Variants in TNIK observed in about 807,000 individuals in gnomAD.
TNIK encodes TRAF2 and NCK interacting kinase, also known as TRAF2 and NCK-interacting protein kinase.
A neutral mutation model predicts 191.3 loss-of-function variants in TNIK; 49 were observed. That is an observed-to-expected ratio of 0.26 (90% CI 0.20 to 0.32). The LOEUF (loss-of-function observed/expected upper bound fraction) is 0.32. Among genes scored for constraint, TNIK ranks in the 10% least tolerant of loss-of-function variants. The pLI is 1.00. For missense variants in TNIK, 1,155 were observed against 1,702.3 expected (o/e 0.68, Z 5.66); for synonymous variants, 594 against 600.9 (o/e 0.99, Z 0.17).
chr3:171,430,647 C>CAAAA (rs34307433), intron 1 of TNIK, among the ~76,000 whole-genome samples: 1 of 113,968 alleles, frequency 8.8e-6, no homozygotes. Context: ...AAAAAACAGA[C>CAAAA]AAAAAAAAAA....
Position 171,124,472 on chromosome 3 carries a change from T to C in TNIK, c.2014-770A>G, listed in dbSNP as rs185669590. Among the ~76,000 whole-genome samples the C allele has an allele frequency of 1.1e-4, 17 of 152,318 alleles. No homozygotes were observed. In the East Asian group the frequency reaches 1.7e-3, roughly 16 times the overall value. ...AAGGTAGAATTGAAGTATGTCCCAATTTATAAAACAGACATTTTAAAATGA... is the reference window on the plus strand; with the variant it reads ...AAGGTAGAATTGAAGTATGTCCCAACTTATAAAACAGACATTTTAAAATGA... On this transcript the variant is annotated intron_variant, in intron 17 of 32. Transcript: ENST00000436636.
At chr3:171,227,622 G>A (rs1310509253) in intron 3 of TNIK, among the ~76,000 whole-genome samples, 11 of 152,154 alleles carry the variant, frequency 7.2e-5, no homozygotes, top group Admixed American at 5.2e-4. Flanking sequence ...TTAGAGTGAT[G>A]TACCCATGAT....
At chr3:171,174,550 A>C (rs1735738144) in intron 9 of TNIK, among the ~76,000 whole-genome samples, 1 of 152,212 alleles carries the variant, frequency 6.6e-6, no homozygotes, top group South Asian at 2.1e-4. Context: ...CAAAAAGTCA[A>C]ACATCCAACA....
chr3:171,380,432 T>A (rs1405390758), intron 1 of TNIK, among the ~76,000 whole-genome samples: 1 of 152,204 alleles, frequency 6.6e-6, no homozygotes. Context: ...CAAGGTTCTG[T>A]TTTGGAAGAA....
chr3:171,460,186 CCT>C lies in TNIK; in HGVS notation c.-125_-124del. The C allele has an allele frequency of 1.6e-6, 2 of 1,234,870 alleles. No individual in the cohort carries two copies. The highest frequency in any genetic ancestry group is 2.3e-6 in the Non-Finnish European group (2 of 880,276). 76.5% of individuals were successfully genotyped at this position (1,234,870 alleles called of 1,614,324 possible). On this transcript the variant is annotated 5_prime_UTR_variant, in exon 1 of 33. Coordinates refer to ENST00000436636, the MANE Select transcript of TNIK (RefSeq NM_015028.4). This position sits in a 1 kb window ranked among gnomAD's most constrained non-coding sequence, Gnocchi z 6.8. The stretch of plus-strand genomic sequence containing the variant: ...GTCGCGCCAGAGGCCCCGGGCCCAG[CCT>C]CCCCCGCCCACCCCAGCCCCACAGC...
chr3:171,403,101 G>A (rs190362330), intron 1 of TNIK, among the ~76,000 whole-genome samples: 18 of 152,310 alleles, frequency 1.2e-4, no homozygotes, highest in Admixed American at 3.3e-4. Flanking sequence ...AAAGGATGAC[G>A]GTGAAAGGAA....
intron 1 of TNIK, among the ~76,000 whole-genome samples, chr3:171,386,138 T>C (rs1312582990): frequency 6.6e-6 from 1 of 152,226 alleles, no homozygotes; most frequent in African/African-American, 2.4e-5. Context: ...TAAATGCTGG[T>C]TAAGTAAATA....
chr3:171,385,087 G>T (rs1718549409), intron 1 of TNIK, among the ~76,000 whole-genome samples: 1 of 152,176 alleles, frequency 6.6e-6, no homozygotes, highest in South Asian at 2.1e-4. Flanking sequence ...GGCCAAACAT[G>T]AAGGGCACAC....
intron 1 of TNIK, among the ~76,000 whole-genome samples, chr3:171,376,725 A>G (rs1470022649): frequency 6.6e-6 from 1 of 151,122 alleles, no homozygotes; most frequent in African/African-American, 2.4e-5. Context: ...AAACATAAAT[A>G]TATACAGATA....
At chr3:171,321,686 C>T (rs564210686) in intron 2 of TNIK, among the ~76,000 whole-genome samples, 200 of 152,180 alleles carry the variant, frequency 1.3e-3, no homozygotes, top group Non-Finnish European at 2.4e-3. Context: ...ATGTTACAGG[C>T]AGACAAAAAG....
intron 22 of TNIK, among the ~76,000 whole-genome samples, chr3:171,099,604 C>G (rs1186346916): frequency 6.6e-6 from 1 of 152,102 alleles, no homozygotes; most frequent in Non-Finnish European, 1.5e-5. Flanking sequence ...AAAGACCTAA[C>G]AAACAATCCT....
intron 2 of TNIK, among the ~76,000 whole-genome samples, chr3:171,300,265 C>A (rs1157759088): frequency 1.3e-5 from 2 of 152,176 alleles, no homozygotes; most frequent in Non-Finnish European, 2.9e-5. Flanking sequence ...GCAACCACAG[C>A]AGCATTCTCT....
At chr3:171,337,677 T>C (rs1757096078) in intron 2 of TNIK, among the ~76,000 whole-genome samples, 1 of 152,228 alleles carries the variant, frequency 6.6e-6, no homozygotes, top group South Asian at 2.1e-4. Context: ...CCTTTCCTAA[T>C]AGAATATTTA....
In TNIK at chr3:171,242,040, A is replaced by G. The variant is rs1326536035; in HGVS notation, c.124-13819T>C. Among the ~76,000 whole-genome samples, 4 of 152,156 alleles carry G rather than the reference A, an allele frequency of 2.6e-5. No homozygotes were observed. The East Asian group carries it at 7.7e-4, about 29-fold the overall frequency. ...TGGGGTGGGGGGAAGGGGGAGGGAT[A>G]GCATTAGGAGATACACCTAATGTAA... On this transcript the variant is annotated intron_variant, in intron 2 of 32. Coordinates refer to ENST00000436636, the MANE Select transcript of TNIK (RefSeq NM_015028.4).
intron 2 of TNIK, among the ~76,000 whole-genome samples, chr3:171,277,943 C>A (rs1369049494): frequency 6.6e-6 from 1 of 152,178 alleles, no homozygotes; most frequent in African/African-American, 2.4e-5. Context: ...TTGGCAGGAT[C>A]GCTTGAGCCC....
In TNIK at chr3:171,426,606, A is replaced by T. The variant is rs73879559; in HGVS notation, c.57+33401T>A. Among the ~76,000 whole-genome samples the T allele has an allele frequency of 8.4e-3, 1,281 of 152,298 alleles. 21 individuals are homozygous for T. Among genetic ancestry groups the T allele is most frequent in the African/African-American group, 0.03 (1,234 of 41,560 alleles). On this transcript the variant is annotated intron_variant, in intron 1 of 32. Transcript: ENST00000436636. Reference sequence around the variant, plus strand: ...GAATGTATACAAAATTATTTTAAACAGGAATGAGTTTTATTCAGGTCTACC... The same window carrying T: ...GAATGTATACAAAATTATTTTAAACTGGAATGAGTTTTATTCAGGTCTACC...
chr3:171,312,606 GT>G (rs1356208050), intron 2 of TNIK, among the ~76,000 whole-genome samples: 1 of 152,024 alleles, frequency 6.6e-6, no homozygotes, highest in African/African-American at 2.4e-5. Context: ...TGTGCCAGAA[GT>G]TTTCTTTTAG....
At chr3:171,153,353 T>C (rs1415880230) in intron 12 of TNIK, among the ~76,000 whole-genome samples, 1 of 152,150 alleles carries the variant, frequency 6.6e-6, no homozygotes, top group Non-Finnish European at 1.5e-5. Context: ...ATAATTCCTA[T>C]TTTTCTTATT....
At chr3:171,335,069 A>G (rs1309964044) in intron 2 of TNIK, among the ~76,000 whole-genome samples, 1 of 151,236 alleles carries the variant, frequency 6.6e-6, no homozygotes. Flanking sequence ...AAAACCAATC[A>G]CTAGCAACCT....
Sources: gnomAD v4.1 joint callset for allele counts (sites outside exome capture counted in the v4.1 genomes callset) on GRCh38, gnomAD v4.1.1 for gene constraint, Gnocchi (gnomAD v3.1) non-coding constraint, MANE v1.5 for transcripts, NCBI Gene and HGNC (gene_info 2026-07-23, HGNC 2026-07-21) for gene names.